Variants in DROSHA observed in about 807,000 individuals in gnomAD.
DROSHA encodes ribonuclease 3.
In DROSHA, 56 loss-of-function variants were observed where a neutral mutation model predicts 181.9. The observed-to-expected ratio is 0.31, with a 90% CI of 0.25 to 0.38. The LOEUF (loss-of-function observed/expected upper bound fraction) is 0.38, where lower values mean the gene tolerates loss of function less well. DROSHA is among the 10% of genes least tolerant of loss of function. The pLI is 1.00. For synonymous variants in DROSHA, 524 were observed against 591.2 expected, an observed-to-expected ratio of 0.89 and a Z score of 1.65; for missense variants, 1,218 against 1,743.5, an observed-to-expected ratio of 0.70 and a Z score of 5.37.
intron 20 of DROSHA, among the ~76,000 whole-genome samples, chr5:31,454,173 C>A (rs1747368723): frequency 1.3e-5 from 2 of 152,182 alleles, no homozygotes; most frequent in South Asian, 4.1e-4. Flanking sequence ...ATAACCCAAA[C>A]TGGAGAGAGC....
At chr5:31,508,418 C>G (rs1158920947) in intron 10 of DROSHA, among the ~76,000 whole-genome samples, 1 of 152,190 alleles carries the variant, frequency 6.6e-6, no homozygotes. Flanking sequence ...TTACAAACAT[C>G]ATCAAAAATG....
intron 6 of DROSHA, among the ~76,000 whole-genome samples, chr5:31,520,094 G>C (rs555450273): frequency 1.3e-5 from 2 of 152,088 alleles, no homozygotes; most frequent in Non-Finnish European, 1.5e-5. Context: ...GCTTTTTTTA[G>C]AGGTGGTGCA....
At chr5:31,496,468 G>A (rs1561253907) in intron 11 of DROSHA, among the ~76,000 whole-genome samples, 2 of 152,212 alleles carry the variant, frequency 1.3e-5, no homozygotes, top group Admixed American at 6.5e-5. Flanking sequence ...CTGGCTGCAA[G>A]GTGGCCTATA....
chr5:31,403,364 A>C (rs1740257293), intron 35 of DROSHA, among the ~76,000 whole-genome samples: 1 of 152,200 alleles, frequency 6.6e-6, no homozygotes, highest in Admixed American at 6.5e-5. Flanking sequence ...TTTTCCTATG[A>C]AGTTGTACTA....
intron 18 of DROSHA, 158 bp from the exon 19 acceptor site, chr5:31,466,439 T>C: frequency 8.0e-6 from 5 of 621,848 alleles, no homozygotes; most frequent in Non-Finnish European, 1.4e-5. Flanking sequence ...GCTATGACTT[T>C]GAGGCTGAGA....
intron 13 of DROSHA, among the ~76,000 whole-genome samples, chr5:31,490,397 G>T (rs767135376): frequency 6.6e-6 from 1 of 151,624 alleles, no homozygotes; most frequent in Non-Finnish European, 1.5e-5. Flanking sequence ...TGCCCAGGCC[G>T]TCTTGAACTC....
chr5:31,441,144 G>C (rs1329051237), intron 23 of DROSHA, among the ~76,000 whole-genome samples: 1 of 151,966 alleles, frequency 6.6e-6, no homozygotes, highest in African/African-American at 2.4e-5. Context: ...GGGCAGGCCA[G>C]GTGTGGCTCA....
At chr5:31,437,857 GAC>G (rs961643804) in intron 23 of DROSHA, among the ~76,000 whole-genome samples, 7 of 152,214 alleles carry the variant, frequency 4.6e-5, no homozygotes, top group Non-Finnish European at 7.4e-5. Flanking sequence ...CATCACTTAA[GAC>G]ACTCAGTGTG....
At position 31,511,075 on chromosome 5, in the gene DROSHA, A is replaced by C; in HGVS notation, c.1392T>G (p.Pro464=). ...GCTTCGTCTTTGGAGGTTCCCACGG[A>C]GGCCGAGCAGCTTTGGCCTTTTCTT... ...SRQEKAKAAR[P]PWEPPKTKLD... The change falls in exon 9 of 36, where the codon CCT becomes CCG. Residue 464 remains proline (P), a synonymous_variant. Coordinates refer to ENST00000344624, the MANE Select transcript of DROSHA (RefSeq NM_001382508.1). 1 of 1,613,962 alleles carries C rather than the reference A, an allele frequency of 6.2e-7. No homozygotes were observed. The highest frequency in any genetic ancestry group is 8.5e-7 in the Non-Finnish European group (1 of 1,179,884).
At chr5:31,496,951 C>T (rs188637563) in intron 11 of DROSHA, among the ~76,000 whole-genome samples, 292 of 152,318 alleles carry the variant, frequency 1.9e-3, no homozygotes, top group African/African-American at 6.5e-3. Flanking sequence ...GGGCATGCCT[C>T]CTCATCTGAG....
chr5:31,526,030 G>GTGCC, intron 5 of DROSHA, 49 bp downstream of exon 5: 2 of 1,481,840 alleles, frequency 1.3e-6, no homozygotes, highest in Non-Finnish European at 1.8e-6. Flanking sequence ...GAGAATGACC[G>GTGCC]TGCCTGGGCC....
intron 20 of DROSHA, among the ~76,000 whole-genome samples, chr5:31,456,789 T>C (rs907795993): frequency 1.3e-5 from 2 of 152,218 alleles, no homozygotes; most frequent in East Asian, 3.9e-4. Context: ...AGAGACAGGG[T>C]TTCACTCTGT....
In DROSHA at chr5:31,410,833, G is replaced by C; in HGVS notation, c.3580C>G (p.Leu1194Val). ...GTTATGGCGTACTCCTGCATGCCCAGCTCCTCCGCTACCTTGGCCTGAGTT... is the reference window on the plus strand; with the variant it reads ...GTTATGGCGTACTCCTGCATGCCCACCTCCTCCGCTACCTTGGCCTGAGTT... ...NRTQAKVAEE[L>V]GMQEYAITND... Residue 1194 changes from leucine (L) to valine (V), a missense_variant, in exon 31 of 36, where the codon CTG (leucine) becomes GTG (valine). Around this residue, in one of 8 missense-constraint regions of DROSHA, gnomAD observed 47 missense variants for 70.6 expected, o/e 0.67. Coordinates refer to ENST00000344624, the MANE Select transcript of DROSHA (RefSeq NM_001382508.1). 1 of 1,613,970 alleles carries C rather than the reference G, an allele frequency of 6.2e-7. No individual in the cohort carries two copies. The highest frequency in any genetic ancestry group is 2.2e-5 in the East Asian group (1 of 44,876).
chr5:31,466,211 T>A lies in DROSHA; in HGVS notation c.2437A>T (p.Thr813Ser), dbSNP rs1412090120. 1 of 1,613,554 alleles carries A rather than the reference T, an allele frequency of 6.2e-7. No homozygotes were observed. The highest frequency in any genetic ancestry group is 8.5e-7 in the Non-Finnish European group (1 of 1,179,750). ...CTCTGTGCCAGCTTCTGTTTGTCAGTTTGTTTGACTTTGGGACTATTTGCT... is the reference window on the plus strand; with the variant it reads ...CTCTGTGCCAGCTTCTGTTTGTCAGATTGTTTGACTTTGGGACTATTTGCT... ...LLANSPKVKQ[T>S]DKQKLAQREE... Residue 813 changes from threonine to serine, a missense_variant, in exon 19 of 36, where the codon ACT becomes TCT. This residue lies in a region of DROSHA where 460 missense variants were observed against 774.2 expected (regional missense o/e 0.59). Transcript: ENST00000344624.
intron 34 of DROSHA, 59 bp downstream of exon 34, chr5:31,406,794 A>C: frequency 1.3e-6 from 2 of 1,483,530 alleles, no homozygotes; most frequent in Non-Finnish European, 1.9e-6. Context: ...GATAGCAGCT[A>C]GGGAATTAGA....
At chr5:31,443,210 G>A (rs1157998923) in intron 23 of DROSHA, among the ~76,000 whole-genome samples, 1 of 151,834 alleles carries the variant, frequency 6.6e-6, no homozygotes, top group Non-Finnish European at 1.5e-5. Flanking sequence ...AGTAGAGAGG[G>A]TTTCATCATG....
At chr5:31,418,826 G>A (rs1393470323) in intron 30 of DROSHA, among the ~76,000 whole-genome samples, 1 of 152,066 alleles carries the variant, frequency 6.6e-6, no homozygotes, top group East Asian at 1.9e-4. Context: ...ATTACTCAGG[G>A]AATACTGGAC....
At chr5:31,435,920 G>A in intron 24 of DROSHA, 56 bp from the exon 25 acceptor site, 1 of 1,537,636 alleles carries the variant, frequency 6.5e-7, no homozygotes, top group Non-Finnish European at 8.9e-7. Context: ...TTCTGTCTGT[G>A]GCTCTGAGTC....
At chr5:31,478,017 A>C (rs1750606269) in intron 16 of DROSHA, among the ~76,000 whole-genome samples, 1 of 152,224 alleles carries the variant, frequency 6.6e-6, no homozygotes, top group South Asian at 2.1e-4. Flanking sequence ...AATTAGAGAA[A>C]TATGATGATG....
Sources: allele counts gnomAD v4.1 joint callset (sites outside exome capture counted in the v4.1 genomes callset), GRCh38; gene constraint gnomAD v4.1.1; regional missense constraint gnomAD v4.1.1; transcripts MANE v1.5; gene names NCBI Gene and HGNC (gene_info 2026-07-23, HGNC 2026-07-21).